The following LMTK2 variants were observed in gnomAD, a reference collection of about 807,000 sequenced individuals.
The protein encoded by LMTK2 is lemur tail kinase 2.
In LMTK2, 37 loss-of-function variants were observed where a neutral mutation model predicts 127.5. The ratio of observed to expected loss-of-function variants is 0.29; its 90% CI spans 0.22 to 0.38. The LOEUF (loss-of-function observed/expected upper bound fraction) is 0.38, where lower values mean the gene tolerates loss of function less well. Ranked by LOEUF, LMTK2 falls within the 10% of genes least tolerant of loss-of-function variation. The probability of loss-of-function intolerance (pLI) is 1.00; values close to 1 mark genes in which losing one functional copy is unlikely to be tolerated. For missense variants in LMTK2, 1,694 were observed against 1,920.3 expected, an observed-to-expected ratio of 0.88 and a Z score of 2.20; for synonymous variants, 819 against 810.1, an observed-to-expected ratio of 1.01 and a Z score of -0.19.
chr7:98,128,370 C>T (rs149691016), intron 1 of LMTK2, among the ~76,000 whole-genome samples: 33 of 152,194 alleles, frequency 2.2e-4, no homozygotes, highest in African/African-American at 7.0e-4. Context: ...GGGATGCACA[C>T]GGAAGAAAGC....
Position 98,107,212 on chromosome 7 carries a change from TG to T in LMTK2, c.36del (p.Leu13CysfsTer7). ...CCGCCGGCGTTGCGGCGGAGGCTGC[TG>T]CTGCTGCTGCTGGTCCTCCTGATCG... is the stretch of plus-strand genomic sequence containing the variant. ...PGPPALRRRLLLLLLVLLIAG... is the reference protein window; with the variant it reads ...PGPPALRRRLXLLLLVLLIAG... On this transcript the variant is annotated frameshift_variant, in exon 1 of 14. Coordinates refer to ENST00000297293, the MANE Select transcript of LMTK2 (RefSeq NM_014916.4). LOFTEE classifies it high-confidence loss of function. 1 of 1,460,158 alleles carries T rather than the reference TG, an allele frequency of 6.8e-7. No individual in the cohort carries two copies. Among genetic ancestry groups the T allele is most frequent in the Non-Finnish European group, 9.0e-7 (1 of 1,112,996 alleles). 90.5% of individuals were successfully genotyped at this position (1,460,158 alleles called of 1,614,324 possible).
chr7:98,111,916 T>C (rs1424838568), intron 1 of LMTK2, among the ~76,000 whole-genome samples: 1 of 152,252 alleles, frequency 6.6e-6, no homozygotes, highest in Non-Finnish European at 1.5e-5. Flanking sequence ...TGGAGAACTA[T>C]GCTGGAAATT....
At chr7:98,122,154 T>C (rs1253436522) in intron 1 of LMTK2, among the ~76,000 whole-genome samples, 1 of 152,204 alleles carries the variant, frequency 6.6e-6, no homozygotes, top group Non-Finnish European at 1.5e-5. Context: ...TGAAAGATAC[T>C]TTAAACACCA....
At chr7:98,159,822 A>G (rs1796986434) in intron 6 of LMTK2, among the ~76,000 whole-genome samples, 1 of 152,146 alleles carries the variant, frequency 6.6e-6, no homozygotes, top group African/African-American at 2.4e-5. Flanking sequence ...GAAACACTTT[A>G]ACCCCCTGAG....
At chr7:98,164,406 T>C (rs1024454641) in intron 6 of LMTK2, among the ~76,000 whole-genome samples, 1 of 152,208 alleles carries the variant, frequency 6.6e-6, no homozygotes, top group Non-Finnish European at 1.5e-5. Flanking sequence ...CCTGCTCGGA[T>C]GTTCATTCTG....
chr7:98,178,554 A>G (rs1477087377), intron 7 of LMTK2, among the ~76,000 whole-genome samples: 1 of 152,214 alleles, frequency 6.6e-6, no homozygotes, highest in Admixed American at 6.5e-5. Context: ...TGCCACTGGT[A>G]GCCTCATCCC....
intron 7 of LMTK2, among the ~76,000 whole-genome samples, chr7:98,174,732 A>G (rs1484854031): frequency 6.6e-6 from 1 of 152,218 alleles, no homozygotes. Context: ...GTAGCATTAC[A>G]GTTACTTTCT....
rs1282528900 is a variant in LMTK2, at chr7:98,193,868, C to T, written c.3403C>T (p.Pro1135Ser). ...CGCCTTGGTGTTGGTACAGGAGCAG[C>T]CCCTACCCGAGCCAGTCCTCCCCGA... The part of the protein sequence containing the change: ...PSALVLVQEQ[P>S]LPEPVLPEQS... Residue 1135 changes from proline (P) to serine (S), a missense_variant, in exon 11 of 14, where the codon CCC becomes TCC. Physicochemically the swap from Pro to Ser is moderately conservative, Grantham distance 74. Around this residue, in one of 8 missense-constraint regions of LMTK2, gnomAD observed 554 missense variants for 567.7 expected, o/e 0.98. Coordinates refer to ENST00000297293, the MANE Select transcript of LMTK2 (RefSeq NM_014916.4). The surrounding 1 kb of genome is among the most constrained non-coding windows in gnomAD (Gnocchi z 4.1). 2 of 1,614,070 alleles carry T rather than the reference C, an allele frequency of 1.2e-6. No individual in the cohort carries two copies. Among genetic ancestry groups the T allele is most frequent in the East Asian group, 2.2e-5 (1 of 44,874 alleles).
At chr7:98,108,546 C>T (rs1405648755) in intron 1 of LMTK2, among the ~76,000 whole-genome samples, 1 of 152,096 alleles carries the variant, frequency 6.6e-6, no homozygotes, top group African/African-American at 2.4e-5. Flanking sequence ...TGCCTTAGAT[C>T]AAATACTTGT....
intron 2 of LMTK2, among the ~76,000 whole-genome samples, chr7:98,140,296 G>A (rs927502210): frequency 2.0e-5 from 3 of 151,114 alleles, no homozygotes; most frequent in African/African-American, 4.9e-5. Flanking sequence ...GTAGTCCTGC[G>A]CCACCATGCC....
At chr7:98,178,111 C>A (rs1208766936) in intron 7 of LMTK2, among the ~76,000 whole-genome samples, 2 of 152,178 alleles carry the variant, frequency 1.3e-5, no homozygotes, top group African/African-American at 4.8e-5. Flanking sequence ...TGGGGATCGT[C>A]TTTAAAGCCC....
At chr7:98,205,274 C>T (rs1441603492) in intron 13 of LMTK2, among the ~76,000 whole-genome samples, 190 bp from the exon 14 acceptor site, 1 of 152,204 alleles carries the variant, frequency 6.6e-6, no homozygotes, top group Non-Finnish European at 1.5e-5. Context: ...GGCATTTGAG[C>T]CTAGCAGATG....
intron 11 of LMTK2, among the ~76,000 whole-genome samples, chr7:98,198,335 C>T (rs1005232012): frequency 2.0e-5 from 3 of 151,930 alleles, no homozygotes; most frequent in African/African-American, 7.3e-5. Context: ...GGATTACAGG[C>T]GTGTGCCACC....
At chr7:98,162,435 A>C (rs988810918) in intron 6 of LMTK2, among the ~76,000 whole-genome samples, 1 of 152,218 alleles carries the variant, frequency 6.6e-6, no homozygotes, top group African/African-American at 2.4e-5. Flanking sequence ...TACTTAGACT[A>C]AGTATTCAAA....
chr7:98,202,616 G>A (rs997046932), intron 11 of LMTK2, among the ~76,000 whole-genome samples: 12 of 152,162 alleles, frequency 7.9e-5, no homozygotes, highest in African/African-American at 2.7e-4. Context: ...AGCCTTCTGT[G>A]GGTTGTGGTT....
intron 4 of LMTK2, among the ~76,000 whole-genome samples, chr7:98,153,695 C>T (rs1796888506): frequency 6.6e-6 from 1 of 152,030 alleles, no homozygotes; most frequent in African/African-American, 2.4e-5. Context: ...CAACATAGCA[C>T]AACCCCATCT....
At chr7:98,168,201 T>G (rs1470424927) in intron 6 of LMTK2, among the ~76,000 whole-genome samples, 1 of 150,814 alleles carries the variant, frequency 6.6e-6, no homozygotes, top group Non-Finnish European at 1.5e-5. Flanking sequence ...ACCTGGGAGG[T>G]GTTTGGGGCC....
chr7:98,192,357 C>T lies in LMTK2; in HGVS notation c.1892C>T (p.Pro631Leu), dbSNP rs1162959988. The T allele has an allele frequency of 6.3e-7, 1 of 1,592,740 alleles. No individual in the cohort carries two copies. Among genetic ancestry groups the T allele is most frequent in the Non-Finnish European group, 8.5e-7 (1 of 1,172,998 alleles). The change falls in exon 11 of 14, where the codon CCT becomes CTT. Residue 631 changes from proline to leucine, a missense_variant. By Grantham distance (98) the Pro-to-Leu change is moderately conservative (BLOSUM62 -3). This residue lies in a region of LMTK2 where 527 missense variants were observed against 539.8 expected (regional missense o/e 0.98). Coordinates refer to ENST00000297293, the MANE Select transcript of LMTK2 (RefSeq NM_014916.4). Reference protein sequence around the residue: ...DLHVTSGPESPFNNIFNDVDK... With the variant: ...DLHVTSGPESLFNNIFNDVDK... ...CACGTGACCAGTGGCCCCGAGAGCC[C>T]TTTCAACAATATATTTAATGATGTG...
intron 4 of LMTK2, among the ~76,000 whole-genome samples, chr7:98,153,118 C>T (rs1346021406): frequency 3.3e-5 from 5 of 152,160 alleles, no homozygotes; most frequent in Admixed American, 3.3e-4. Flanking sequence ...CGTTAGACAA[C>T]TCAGTGGGGG....
Sources: gnomAD v4.1 joint callset for allele counts (sites outside exome capture counted in the v4.1 genomes callset) on GRCh38, gnomAD v4.1.1 for gene constraint, gnomAD v4.1.1 regional missense constraint, Gnocchi (gnomAD v3.1) non-coding constraint, MANE v1.5 for transcripts, NCBI Gene and HGNC (gene_info 2026-07-23, HGNC 2026-07-21) for gene names.